The following ANO2 variants were observed in gnomAD, a reference collection of about 807,000 sequenced individuals.
ANO2 encodes anoctamin-2.
ANO2 carries 101 observed loss-of-function variants against 124.2 expected under a neutral mutation model. That is an observed-to-expected ratio of 0.81 (90% CI 0.69 to 0.96). The LOEUF is 0.96. Among genes scored for constraint, ANO2 ranks in the 40% least tolerant of loss-of-function variants. ANO2 has a pLI of 0.00. For missense variants in ANO2, 1,293 were observed against 1,274.5 expected (o/e 1.01, Z -0.22); for synonymous variants, 486 against 482.5 (o/e 1.01, Z -0.09).
intron 14 of ANO2, among the ~76,000 whole-genome samples, chr12:5,688,024 C>A (rs1023448148): frequency 1.8e-4 from 28 of 152,208 alleles, no homozygotes; most frequent in Non-Finnish European, 3.2e-4. Flanking sequence ...TAAAATCTGA[C>A]AAGACCATTG....
chr12:5,565,838 A>G (rs1185405800), intron 23 of ANO2, among the ~76,000 whole-genome samples, 175 bp from the exon 24 acceptor site: 1 of 152,192 alleles, frequency 6.6e-6, no homozygotes, highest in Non-Finnish European at 1.5e-5. Flanking sequence ...AATTTCCAAA[A>G]AGGACTAAAG....
intron 14 of ANO2, 47 bp downstream of exon 14, chr12:5,732,473 A>G (rs1950681216): frequency 6.6e-7 from 1 of 1,522,956 alleles, no homozygotes; most frequent in Non-Finnish European, 9.0e-7. Context: ...TGACAACAGG[A>G]TCTCAACAAG....
chr12:5,731,367 A>G (rs1248584564), intron 14 of ANO2, among the ~76,000 whole-genome samples: 1 of 152,200 alleles, frequency 6.6e-6, no homozygotes, highest in Non-Finnish European at 1.5e-5. Flanking sequence ...TTTCTTAAAA[A>G]AAAAAAAATG....
chr12:5,732,856 A>G (rs1168458031), intron 13 of ANO2: 1 of 1,614,018 alleles, frequency 6.2e-7, no homozygotes, highest in Non-Finnish European at 8.5e-7. Context: ...TATCACACTG[A>G]AAACCAAACC....
intron 3 of ANO2, among the ~76,000 whole-genome samples, chr12:5,874,315 C>T (rs890720961): frequency 2.0e-5 from 3 of 152,184 alleles, no homozygotes; most frequent in African/African-American, 7.2e-5. Flanking sequence ...AGGACTGAGA[C>T]CTAATCTGCC....
At chr12:5,765,207 G>A (rs965274173) in intron 10 of ANO2, among the ~76,000 whole-genome samples, 1 of 152,088 alleles carries the variant, frequency 6.6e-6, no homozygotes, top group African/African-American at 2.4e-5. Context: ...ATGCCCACAG[G>A]AGCCAGGAAG....
chr12:5,654,173 C>A (rs58359931), intron 14 of ANO2, among the ~76,000 whole-genome samples: 8,652 of 152,176 alleles, frequency 0.057, 266 homozygotes, highest in African/African-American at 0.071. Flanking sequence ...ATAATCCAGT[C>A]CCTTACTGAT....
At chr12:5,589,074 C>G (rs1032465406) in intron 20 of ANO2, among the ~76,000 whole-genome samples, 2 of 152,330 alleles carry the variant, frequency 1.3e-5, no homozygotes, top group African/African-American at 4.8e-5. Context: ...GCAGAGAAAT[C>G]AGAAGTAATG....
chr12:5,711,005 A>C (rs1204858681), intron 14 of ANO2, among the ~76,000 whole-genome samples: 2 of 151,840 alleles, frequency 1.3e-5, no homozygotes, highest in Non-Finnish European at 2.9e-5. Context: ...AAAAATACAA[A>C]AAATTAGCCG....
chr12:5,637,675 A>G lies in ANO2; in HGVS notation c.1621-2328T>C, dbSNP rs187694541. Reference sequence around the variant, plus strand: ...GAATTCTTTTTCAAATTCAAGGAGCACTGTTCTCCTTATCTAGAAAAGCCT... The same window carrying G: ...GAATTCTTTTTCAAATTCAAGGAGCGCTGTTCTCCTTATCTAGAAAAGCCT... On this transcript the variant is annotated intron_variant, in intron 15 of 24. Coordinates refer to ENST00000682330, the MANE Select transcript of ANO2 (RefSeq NM_001364791.2). Among the ~76,000 whole-genome samples the G allele has an allele frequency of 9.2e-5, 14 of 152,282 alleles. No homozygotes were observed. In the East Asian group the frequency reaches 1.9e-3, roughly 21 times the overall value.
chr12:5,918,268 G>C (rs1310827209), intron 3 of ANO2, among the ~76,000 whole-genome samples: 4 of 152,134 alleles, frequency 2.6e-5, no homozygotes, highest in Admixed American at 2.6e-4. Context: ...TGGGTGGAAA[G>C]ACTAACCCAG....
At chr12:5,589,191 G>A (rs148349007) in intron 20 of ANO2, among the ~76,000 whole-genome samples, 31 of 152,274 alleles carry the variant, frequency 2.0e-4, no homozygotes, top group Non-Finnish European at 4.3e-4. Flanking sequence ...CTCCCACCAA[G>A]CTAGTTCCCA....
chr12:5,702,148 T>C (rs1949427605), intron 14 of ANO2, among the ~76,000 whole-genome samples: 1 of 152,176 alleles, frequency 6.6e-6, no homozygotes, highest in Non-Finnish European at 1.5e-5. Flanking sequence ...TGTTCCCTCA[T>C]AGGGGAGATT....
intron 15 of ANO2, among the ~76,000 whole-genome samples, chr12:5,640,728 A>G (rs545704406): frequency 1.3e-3 from 205 of 152,252 alleles, no homozygotes; most frequent in Admixed American, 2.7e-3. Context: ...GAAACAACAG[A>G]TGCTGGAGAG....
intron 11 of ANO2, 132 bp downstream of exon 11, chr12:5,750,704 T>C (rs1591569092): frequency 4.2e-6 from 4 of 949,542 alleles, no homozygotes; most frequent in East Asian, 5.4e-5. Flanking sequence ...GAAAGCTACA[T>C]GTGTCATAGC....
At chr12:5,914,071 G>A (rs185515446) in intron 3 of ANO2, among the ~76,000 whole-genome samples, 137 of 152,218 alleles carry the variant, frequency 9.0e-4, no homozygotes, top group Middle Eastern at 3.4e-3. Flanking sequence ...ATGGTGTTGT[G>A]CACCTGTAAT....
chr12:5,731,428 T>A (rs1950631113), intron 14 of ANO2, among the ~76,000 whole-genome samples: 1 of 152,062 alleles, frequency 6.6e-6, no homozygotes, highest in African/African-American at 2.4e-5. Flanking sequence ...GATGCTTGCA[T>A]AAATTTGCAT....
intron 14 of ANO2, among the ~76,000 whole-genome samples, chr12:5,687,741 C>T (rs1948764835): frequency 6.6e-6 from 1 of 152,226 alleles, no homozygotes; most frequent in African/African-American, 2.4e-5. Context: ...TCTCATTCAT[C>T]CTCTCATTCC....
chr12:5,758,593 A>T (rs1318808345), intron 10 of ANO2, among the ~76,000 whole-genome samples: 1 of 152,186 alleles, frequency 6.6e-6, no homozygotes, highest in Non-Finnish European at 1.5e-5. Context: ...AACAATGAGG[A>T]CCAATTCAGC....
Sources: allele counts gnomAD v4.1 joint callset (sites outside exome capture counted in the v4.1 genomes callset), GRCh38; gene constraint gnomAD v4.1.1; transcripts MANE v1.5; gene names NCBI Gene and HGNC (gene_info 2026-07-23, HGNC 2026-07-21).